Variants in VKORC1L1 observed in about 807,000 individuals in gnomAD.
VKORC1L1 encodes the protein vitamin K epoxide reductase complex subunit 1L1, also known as vitamin K epoxide reductase complex subunit 1-like protein 1.
A neutral mutation model predicts 18.9 loss-of-function variants in VKORC1L1; 2 were observed. The ratio of observed to expected loss-of-function variants is 0.11; its 90% CI spans 0.04 to 0.33. VKORC1L1 has a LOEUF of 0.33. Ranked by LOEUF, VKORC1L1 falls within the 10% of genes least tolerant of loss-of-function variation. The pLI is 1.00. For missense variants in VKORC1L1, 123 were observed against 224.1 expected (o/e 0.55, Z 2.88); for synonymous variants, 96 against 100.0 (o/e 0.96, Z 0.24).
chr7:65,952,896 G>A (rs756874187), intron 2 of VKORC1L1, among the ~76,000 whole-genome samples: 21 of 143,680 alleles, frequency 1.5e-4, no homozygotes, highest in Admixed American at 9.7e-4. Context: ...AGTAATTCTC[G>A]TGCCTCAGCC....
At chr7:65,874,678 T>C (rs1255870926) in intron 1 of VKORC1L1, among the ~76,000 whole-genome samples, 1 of 151,932 alleles carries the variant, frequency 6.6e-6, no homozygotes, top group Non-Finnish European at 1.5e-5. Flanking sequence ...TGGTGGCATG[T>C]GCCTATAGTC....
intron 2 of VKORC1L1, among the ~76,000 whole-genome samples, chr7:65,953,535 G>C (rs1790246694): frequency 6.6e-6 from 1 of 152,176 alleles, no homozygotes; most frequent in South Asian, 2.1e-4. Context: ...TTTTCAACTA[G>C]GCTAGTTTGT....
rs1468330757 is a variant in VKORC1L1, at chr7:65,948,871, GTTAT to G, written c.304+96_304+99del. The stretch of plus-strand genomic sequence containing the variant: ...GAAGTGTCTTGATGTTAAAGCATGT[GTTAT>G]TTATAGAACCACTAGCGTGTACAAC... On this transcript the variant is annotated intron_variant, in intron 2 of 2. Transcript: ENST00000360768. The G allele has an allele frequency of 4.7e-6, 7 of 1,486,670 alleles. No individual in the cohort carries two copies. The African/African-American group carries it at 7.1e-5, about 15-fold the overall frequency. The allele number at this position is 1,486,670 out of a possible 1,614,324, so 92.1% of individuals were successfully genotyped here. A position where few individuals can be genotyped will look rare whatever the true frequency, so the allele number is the denominator to read the frequency against.
intron 1 of VKORC1L1, among the ~76,000 whole-genome samples, chr7:65,899,736 A>G (rs1789277568): frequency 6.6e-6 from 1 of 152,170 alleles, no homozygotes; most frequent in African/African-American, 2.4e-5. Flanking sequence ...GTGGTGGCTC[A>G]CGCCTGTAAT....
intron 1 of VKORC1L1, among the ~76,000 whole-genome samples, chr7:65,913,345 C>G (rs1008001134): frequency 1.3e-5 from 2 of 151,912 alleles, no homozygotes; most frequent in African/African-American, 2.4e-5. Context: ...AGATCTGGGC[C>G]TGCTATTCAT....
upstream of VKORC1L1, among the ~76,000 whole-genome samples, chr7:65,872,080 G>C (rs1421619472): frequency 6.6e-6 from 1 of 152,104 alleles, no homozygotes; most frequent in Non-Finnish European, 1.5e-5. Context: ...ACATACATCT[G>C]TTTTCCTTTT....
chr7:65,906,375 A>AG (rs1789406674), intron 1 of VKORC1L1, among the ~76,000 whole-genome samples: 1 of 152,076 alleles, frequency 6.6e-6, no homozygotes, highest in East Asian at 1.9e-4. Context: ...TGTCTCAAAA[A>AG]GAAAAAAAAA....
At chr7:65,904,637 C>T (rs998515300) in intron 1 of VKORC1L1, among the ~76,000 whole-genome samples, 1 of 152,038 alleles carries the variant, frequency 6.6e-6, no homozygotes, top group Non-Finnish European at 1.5e-5. Flanking sequence ...AGCTAATAAA[C>T]TGATAGTGGA....
chr7:65,950,243 G>A (rs1790190920), intron 2 of VKORC1L1, among the ~76,000 whole-genome samples: 1 of 152,006 alleles, frequency 6.6e-6, no homozygotes, highest in South Asian at 2.1e-4. Context: ...ATTTTTATAT[G>A]TGTTACAAAC....
chr7:65,902,783 A>G (rs1381522311), intron 1 of VKORC1L1, among the ~76,000 whole-genome samples: 1 of 152,216 alleles, frequency 6.6e-6, no homozygotes, highest in African/African-American at 2.4e-5. Flanking sequence ...AGTAACAGAG[A>G]TAAGGATGAT....
rs1463480685 is a variant in VKORC1L1 at position 65,899,501 on chromosome 7, C to T, written c.194+25936C>T. On this transcript the variant is annotated intron_variant, in intron 1 of 2. Coordinates refer to ENST00000360768, the MANE Select transcript of VKORC1L1 (RefSeq NM_173517.6). ...CTCATGGATTGAAATTCATTGTTTC[C>T]AGTAGGATTTTTGACTAGACGTGGA... Among the ~76,000 whole-genome samples the T allele has an allele frequency of 4.6e-5, 7 of 152,198 alleles. No homozygotes were observed. The South Asian group carries it at 1.0e-3, about 23-fold the overall frequency.
In VKORC1L1 at chr7:65,912,354, C is replaced by T. The variant is rs141705259; in HGVS notation, c.195-36317C>T. Among the ~76,000 whole-genome samples, 127 of 152,278 alleles carry T rather than the reference C, an allele frequency of 8.3e-4. 1 individual carries two copies. In the South Asian group the frequency reaches 0.012, roughly 15 times the overall value. On this transcript the variant is annotated intron_variant, in intron 1 of 2. Coordinates refer to ENST00000360768, the MANE Select transcript of VKORC1L1 (RefSeq NM_173517.6). Reference sequence around the variant, plus strand: ...TTTTTCTCCAGGAAGCCACCAGGAACCATATATTGTGTGCTGGAGCTTGTG... The same window carrying T: ...TTTTTCTCCAGGAAGCCACCAGGAATCATATATTGTGTGCTGGAGCTTGTG...
At chr7:65,938,911 C>A (rs1789990539) in intron 1 of VKORC1L1, among the ~76,000 whole-genome samples, 2 of 152,134 alleles carry the variant, frequency 1.3e-5, no homozygotes, top group South Asian at 4.1e-4. Context: ...TTGGGTTGGT[C>A]ATCTGCCACT....
chr7:65,906,623 A>G (rs904602733), intron 1 of VKORC1L1, among the ~76,000 whole-genome samples: 1 of 152,128 alleles, frequency 6.6e-6, no homozygotes, highest in Non-Finnish European at 1.5e-5. Flanking sequence ...CCTTAATTAC[A>G]CTTTGGCCCT....
intron 1 of VKORC1L1, among the ~76,000 whole-genome samples, chr7:65,878,485 T>C (rs573142046): frequency 3.7e-4 from 56 of 152,226 alleles, no homozygotes; most frequent in Non-Finnish European, 6.5e-4. Flanking sequence ...TTTACTGCTC[T>C]TTGCTTTGTC....
At position 65,947,763 on chromosome 7, in the gene VKORC1L1, C is replaced by T. The variant is rs184261713; in HGVS notation, c.195-908C>T. On this transcript the variant is annotated intron_variant, in intron 1 of 2. Transcript: ENST00000360768. ...TGGAGTGCAGTGGTGCAGTCTCGGC[C>T]CACTGCAACCTCTGCTTCCAGGGTT... Among the ~76,000 whole-genome samples, 48 of 151,910 alleles carry T rather than the reference C, an allele frequency of 3.2e-4. No homozygotes were observed. The East Asian group carries it at 4.6e-3, about 15-fold the overall frequency.
chr7:65,954,292 C>T lies in VKORC1L1; in HGVS notation c.523C>T (p.Gln175Ter), dbSNP rs1211730006. Residue 175 changes from glutamine (Q) to a stop codon, truncating the protein, a stop_gained, in exon 3 of 3, where the codon CAG becomes TAG. Coordinates refer to ENST00000360768, the MANE Select transcript of VKORC1L1 (RefSeq NM_173517.6). LOFTEE classifies it high-confidence loss of function. ...EAWKRQLQPK[Q>*]D is the part of the protein sequence containing the mutation. ...CTGGAAGCGGCAGCTGCAACCCAAG[C>T]AGGACTGACGCCCGACAGACTCCAC... is the stretch of plus-strand genomic sequence containing the variant. 6.2e-7 allele frequency: 1 copy of T among 1,614,094 alleles called. No homozygotes were observed. The highest frequency in any genetic ancestry group is 1.1e-5 in the South Asian group (1 of 91,084).
At chr7:65,934,422 A>G (rs921894615) in intron 1 of VKORC1L1, among the ~76,000 whole-genome samples, 1 of 152,198 alleles carries the variant, frequency 6.6e-6, no homozygotes, top group Admixed American at 6.5e-5. Flanking sequence ...CAGTTTTGAA[A>G]TGCAGAACAC....
chr7:65,926,120 A>G (rs930985150), intron 1 of VKORC1L1, among the ~76,000 whole-genome samples: 4 of 150,004 alleles, frequency 2.7e-5, no homozygotes, highest in East Asian at 2.0e-4. Context: ...TAAGAATTCT[A>G]TTCTGCCTTT....
Sources: allele counts gnomAD v4.1 joint callset (sites outside exome capture counted in the v4.1 genomes callset), GRCh38; gene constraint gnomAD v4.1.1; transcripts MANE v1.5; gene names NCBI Gene and HGNC (gene_info 2026-07-23, HGNC 2026-07-21).